The following PCMTD1 variants were observed in gnomAD, a reference collection of about 807,000 sequenced individuals.
PCMTD1 encodes protein-L-isoaspartate O-methyltransferase domain-containing protein 1.
In PCMTD1, 12 loss-of-function variants were observed where a neutral mutation model predicts 37.6. The observed-to-expected ratio is 0.32, with a 90% confidence interval of 0.20 to 0.52. The LOEUF is 0.52. Ranked by LOEUF, PCMTD1 falls within the 20% of genes least tolerant of loss-of-function variation. The pLI, the probability that PCMTD1 is intolerant of heterozygous loss-of-function variation, is 0.97. For synonymous variants in PCMTD1, 117 were observed against 135.8 expected, an observed-to-expected ratio of 0.86 and a Z score of 0.96; for missense variants, 235 against 421.3, an observed-to-expected ratio of 0.56 and a Z score of 3.87.
chr8:51,879,550 G>A (rs1435361428), intron 1 of PCMTD1, among the ~76,000 whole-genome samples: 1 of 152,198 alleles, frequency 6.6e-6, no homozygotes, highest in Non-Finnish European at 1.5e-5. Flanking sequence ...ATGAAACTAT[G>A]TGAAAACTGA....
At chr8:51,877,938 A>T (rs1407937468) in intron 1 of PCMTD1, among the ~76,000 whole-genome samples, 2 of 152,202 alleles carry the variant, frequency 1.3e-5, no homozygotes, top group African/African-American at 4.8e-5. Flanking sequence ...TCTACTCCAA[A>T]CTACTCCAAA....
intron 3 of PCMTD1, among the ~76,000 whole-genome samples, chr8:51,834,203 T>C (rs1005095407): frequency 2.6e-5 from 4 of 152,206 alleles, no homozygotes; most frequent in Non-Finnish European, 5.9e-5. Context: ...CACATACCCC[T>C]GCAACCAGTA....
At chr8:51,878,253 T>TTTTG (rs1289624087) in intron 1 of PCMTD1, among the ~76,000 whole-genome samples, 1 of 149,052 alleles carries the variant, frequency 6.7e-6, no homozygotes, top group East Asian at 2.0e-4. Context: ...TTTTTTGGTT[T>TTTTG]TTTTTTTTTT....
intron 5 of PCMTD1, among the ~76,000 whole-genome samples, chr8:51,821,112 A>C (rs1333594469): frequency 6.6e-6 from 1 of 152,208 alleles, no homozygotes; most frequent in Non-Finnish European, 1.5e-5. Context: ...TATTCATAAC[A>C]ACAGATGTGA....
rs371174737 is a variant in PCMTD1, at chr8:51,895,348, A to G, written c.-96+3582T>C. ...TAAACTGAACTGACTTCATCAATTG[A>G]TAACATGATTATCATTAAAGGTTTT... is the stretch of plus-strand genomic sequence containing the variant. On this transcript the variant is annotated intron_variant, in intron 1 of 5. Coordinates refer to ENST00000522514, the MANE Select transcript of PCMTD1 (RefSeq NM_052937.4). Among the ~76,000 whole-genome samples the G allele has an allele frequency of 7.6e-4, 116 of 152,346 alleles. 1 individual carries two copies. Among genetic ancestry groups the G allele is most frequent in the Middle Eastern group, 3.4e-3 (1 of 294 alleles).
chr8:51,823,214 A>C (rs2037873669), intron 5 of PCMTD1, among the ~76,000 whole-genome samples: 1 of 152,238 alleles, frequency 6.6e-6, no homozygotes, highest in Non-Finnish European at 1.5e-5. Context: ...CTGTAATCCC[A>C]GCACTTTGAG....
chr8:51,896,030 C>T (rs2038996668), intron 1 of PCMTD1: 1 of 147,696 alleles, frequency 6.8e-6, no homozygotes, highest in African/African-American at 2.5e-5. Flanking sequence ...ACTGCAACCT[C>T]TGACTCGCAG....
intron 1 of PCMTD1, among the ~76,000 whole-genome samples, chr8:51,887,934 G>A (rs1200134627): frequency 3.3e-5 from 5 of 151,840 alleles, no homozygotes; most frequent in Admixed American, 2.0e-4. Context: ...TAGTAGAGAC[G>A]GAGTTTCACC....
At chr8:51,878,837 C>T (rs77153951) in intron 1 of PCMTD1, among the ~76,000 whole-genome samples, 17,867 of 150,178 alleles carry the variant, frequency 0.12, 1,291 homozygotes, top group East Asian at 0.17. Context: ...GACAATTTGA[C>T]TTTTAAAACT....
At chr8:51,855,329 A>G (rs1022550487) in intron 2 of PCMTD1, among the ~76,000 whole-genome samples, 2 of 150,976 alleles carry the variant, frequency 1.3e-5, no homozygotes, top group African/African-American at 4.9e-5. Flanking sequence ...GGAGTTCAAA[A>G]CCAGCCTGGC....
At chr8:51,864,103 C>T (rs571881352) in intron 1 of PCMTD1, among the ~76,000 whole-genome samples, 5 of 152,086 alleles carry the variant, frequency 3.3e-5, no homozygotes, top group Admixed American at 2.6e-4. Context: ...AAAGAGAGCA[C>T]GGATGACTAT....
chr8:51,833,122 G>A (rs1476143366), intron 4 of PCMTD1, among the ~76,000 whole-genome samples: 1 of 152,186 alleles, frequency 6.6e-6, no homozygotes, highest in Non-Finnish European at 1.5e-5. Flanking sequence ...TGAGATTACA[G>A]GCGTGAGCCA....
chr8:51,883,345 T>C (rs2038819579), intron 1 of PCMTD1, among the ~76,000 whole-genome samples: 1 of 152,080 alleles, frequency 6.6e-6, no homozygotes, highest in East Asian at 1.9e-4. Flanking sequence ...ACAGTTCCCA[T>C]TAAAGGTGAA....
At chr8:51,847,162 G>C (rs11777885) in intron 2 of PCMTD1, among the ~76,000 whole-genome samples, 1 of 151,984 alleles carries the variant, frequency 6.6e-6, no homozygotes, top group African/African-American at 2.4e-5. Context: ...GATAAACTGA[G>C]TAAAACTAAA....
At chr8:51,822,090 G>C (rs779139432) in intron 5 of PCMTD1, among the ~76,000 whole-genome samples, 2 of 152,152 alleles carry the variant, frequency 1.3e-5, no homozygotes, top group African/African-American at 2.4e-5. Context: ...TCCTGTCCTA[G>C]CTAAGATCTA....
At chr8:51,850,984 AG>A (rs1185294364) in intron 2 of PCMTD1, among the ~76,000 whole-genome samples, 1 of 152,240 alleles carries the variant, frequency 6.6e-6, no homozygotes, top group Non-Finnish European at 1.5e-5. Flanking sequence ...AGGAAAAAGG[AG>A]GAAAGCAATC....
intron 2 of PCMTD1, among the ~76,000 whole-genome samples, chr8:51,858,061 T>C (rs1453894650): frequency 5.9e-5 from 9 of 152,198 alleles, no homozygotes; most frequent in Non-Finnish European, 8.8e-5. Flanking sequence ...TGAATTCGTG[T>C]TTCTGGATTT....
intron 5 of PCMTD1, chr8:51,826,915 T>C (rs968369920): frequency 6.0e-5 from 53 of 880,450 alleles, no homozygotes; most frequent in Non-Finnish European, 7.1e-5. Context: ...TGAATCAAGA[T>C]GAAAAATTAT....
chr8:51,872,573 G>T (rs2038654252), intron 1 of PCMTD1, among the ~76,000 whole-genome samples: 1 of 152,070 alleles, frequency 6.6e-6, no homozygotes, highest in African/African-American at 2.4e-5. Context: ...TGTGTACTAA[G>T]ATCAACAGGG....
Sources: gnomAD v4.1 joint callset for allele counts (sites outside exome capture counted in the v4.1 genomes callset) on GRCh38, gnomAD v4.1.1 for gene constraint, MANE v1.5 for transcripts, NCBI Gene and HGNC (gene_info 2026-07-23, HGNC 2026-07-21) for gene names.